The following SYNPO2 variants were observed in gnomAD, a reference collection of about 807,000 sequenced individuals.
SYNPO2 encodes synaptopodin-2.
SYNPO2 carries 56 observed loss-of-function variants against 85.0 expected under a neutral mutation model. That is an observed-to-expected ratio of 0.66 (90% CI 0.53 to 0.82). SYNPO2 has a LOEUF of 0.82. Ranked by LOEUF, SYNPO2 falls within the 40% of genes least tolerant of loss-of-function variation. The probability of loss-of-function intolerance (pLI) is 0.00; values close to 1 mark genes in which losing one functional copy is unlikely to be tolerated. For missense variants in SYNPO2, 1,575 were observed against 1,534.2 expected (o/e 1.03, Z -0.44); for synonymous variants, 602 against 591.1 (o/e 1.02, Z -0.27).
intron 1 of SYNPO2, among the ~76,000 whole-genome samples, chr4:119,014,613 A>G (rs1379359581): frequency 1.3e-5 from 2 of 152,202 alleles, no homozygotes; most frequent in African/African-American, 4.8e-5. Context: ...CAATAGACCA[A>G]ACTCAAAACA....
rs575707627 is a variant in SYNPO2 at position 119,012,005 on chromosome 4, C to T, written c.106-11425C>T. ...TGGAGCCATCTTGGCTCACTGCAACCTCCACATCCCGGATTCAAGTAATTC... is the reference window on the plus strand; with the variant it reads ...TGGAGCCATCTTGGCTCACTGCAACTTCCACATCCCGGATTCAAGTAATTC... On this transcript the variant is annotated intron_variant, in intron 1 of 4. Transcript: ENST00000307142. Among the ~76,000 whole-genome samples the T allele has an allele frequency of 2.7e-3, 411 of 150,684 alleles. 1 individual carries two copies. The highest frequency in any genetic ancestry group is 9.7e-3 in the African/African-American group (396 of 40,716).
intron 1 of SYNPO2, among the ~76,000 whole-genome samples, chr4:118,858,046 A>G (rs1241119294): frequency 6.6e-6 from 1 of 152,142 alleles, no homozygotes; most frequent in Non-Finnish European, 1.5e-5. Flanking sequence ...TCTTGATTCT[A>G]CGTTGGTTCT....
intron 1 of SYNPO2, among the ~76,000 whole-genome samples, chr4:118,894,848 A>G (rs552263967): frequency 1.1e-4 from 16 of 152,150 alleles, no homozygotes; most frequent in African/African-American, 1.4e-4. Flanking sequence ...AAAAAAAAAA[A>G]AAGAAGAAAA....
At chr4:119,043,241 C>A (rs946725619) in intron 4 of SYNPO2, 2 of 152,064 alleles carry the variant, frequency 1.3e-5, no homozygotes, top group Non-Finnish European at 2.9e-5. Flanking sequence ...ACTAAAGGAT[C>A]TCTCTTTTCC....
chr4:118,866,006 A>T lies in SYNPO2; in HGVS notation c.12+15066A>T, dbSNP rs570671625. Among the ~76,000 whole-genome samples, 8 of 152,342 alleles carry T rather than the reference A, an allele frequency of 5.3e-5. No individual in the cohort carries two copies. In the East Asian group the frequency reaches 1.5e-3, roughly 29 times the overall value. On this transcript the variant is annotated intron_variant, in intron 1 of 4. Coordinates refer to the SYNPO2 transcript ENST00000610556. ...CACAACACTTCATGTGTAGAATTTAATAGGGACAGAAACATTTCACACCAG... is the reference window on the plus strand; with the variant it reads ...CACAACACTTCATGTGTAGAATTTATTAGGGACAGAAACATTTCACACCAG...
intron 1 of SYNPO2, among the ~76,000 whole-genome samples, chr4:118,905,874 T>C (rs934103695): frequency 6.6e-6 from 1 of 152,170 alleles, no homozygotes; most frequent in African/African-American, 2.4e-5. Flanking sequence ...ATTTGATACT[T>C]AGATATTATT....
intron 1 of SYNPO2, among the ~76,000 whole-genome samples, chr4:119,017,319 C>T (rs996831036): frequency 6.6e-6 from 1 of 152,160 alleles, no homozygotes; most frequent in Admixed American, 6.5e-5. Flanking sequence ...AAGATCTTAG[C>T]TACTATCATC....
chr4:119,029,093 T>A (rs1738100584), intron 3 of SYNPO2, among the ~76,000 whole-genome samples: 1 of 152,096 alleles, frequency 6.6e-6, no homozygotes, highest in African/African-American at 2.4e-5. Flanking sequence ...AGGAAAGTAA[T>A]ATTGTATTTC....
chr4:118,927,697 GAGATAGATAGAT>G lies in SYNPO2; in HGVS notation c.105+38597_105+38608del, dbSNP rs70944821. ...TACCTAGTAATTGTTATTAAACAAT[GAGATAGATAGAT>G]AGATAGATAGATAGATAGATAGATA... is the stretch of plus-strand genomic sequence containing the variant. On this transcript the variant is annotated intron_variant, in intron 1 of 4. Coordinates refer to ENST00000307142, the MANE Select transcript of SYNPO2 (RefSeq NM_133477.3). Among the ~76,000 whole-genome samples, 523 of 124,934 alleles carry G rather than the reference GAGATAGATAGAT, an allele frequency of 4.2e-3. 4 individuals are homozygous for G. Among genetic ancestry groups the G allele is most frequent in the African/African-American group, 8.0e-3 (265 of 33,058 alleles). 82.0% of individuals were successfully genotyped at this position (124,934 alleles called of 152,430 possible). A position where few individuals can be genotyped will look rare whatever the true frequency, so the allele number is the denominator to read the frequency against.
chr4:119,023,620 G>A, intron 2 of SYNPO2, 39 bp downstream of exon 2: 1 of 1,589,786 alleles, frequency 6.3e-7, no homozygotes, highest in Non-Finnish European at 8.6e-7. Context: ...TTCTCTTGAA[G>A]CTACATGGGA....
At chr4:119,045,505 A>C (rs918455284) in intron 4 of SYNPO2, among the ~76,000 whole-genome samples, 8 of 152,206 alleles carry the variant, frequency 5.3e-5, no homozygotes, top group Non-Finnish European at 1.2e-4. Flanking sequence ...TTTATTTTAA[A>C]CAAGATCAAC....
chr4:118,968,906 G>A (rs1735416666), intron 1 of SYNPO2, among the ~76,000 whole-genome samples: 1 of 152,192 alleles, frequency 6.6e-6, no homozygotes. Flanking sequence ...TAAAACGTCA[G>A]AGATTATAAA....
chr4:118,937,904 C>T (rs894487159), intron 1 of SYNPO2, among the ~76,000 whole-genome samples: 4 of 152,166 alleles, frequency 2.6e-5, no homozygotes, highest in African/African-American at 9.7e-5. Flanking sequence ...TTTCATATAA[C>T]CTATATGTAT....
chr4:118,997,236 T>C (rs1421563238), intron 1 of SYNPO2, among the ~76,000 whole-genome samples: 1 of 56,492 alleles, frequency 1.8e-5, no homozygotes, highest in Non-Finnish European at 3.6e-5. Context: ...CGAGACTCCG[T>C]CTCAAAAAAA....
At chr4:118,868,702 T>C (rs937385905) in intron 1 of SYNPO2, among the ~76,000 whole-genome samples, 2 of 152,176 alleles carry the variant, frequency 1.3e-5, no homozygotes, top group African/African-American at 4.8e-5. Flanking sequence ...GTACTTCGAA[T>C]GACAGGCAAA....
At chr4:118,994,523 G>A (rs1736518919) in intron 1 of SYNPO2, among the ~76,000 whole-genome samples, 1 of 151,328 alleles carries the variant, frequency 6.6e-6, no homozygotes, top group African/African-American at 2.4e-5. Flanking sequence ...GCATCAATAT[G>A]AGCACTGTTA....
intron 1 of SYNPO2, among the ~76,000 whole-genome samples, chr4:119,016,503 A>G (rs2149181813): frequency 1.3e-5 from 2 of 152,260 alleles, no homozygotes; most frequent in Middle Eastern, 3.4e-3. Flanking sequence ...TATTAAAAAG[A>G]GTATTTACAT....
upstream of SYNPO2, chr4:118,888,759 C>A (rs899200654): frequency 4.3e-6 from 2 of 461,704 alleles, no homozygotes; most frequent in South Asian, 2.8e-5. Context: ...TTCCTTTCCT[C>A]GAAGGTGGGC....
exon 1 of SYNPO2, chr4:118,850,763 G>A (rs1731408643): frequency 1.3e-5 from 5 of 398,500 alleles, no homozygotes; most frequent in Admixed American, 4.4e-5. Context: ...ATCTGAATTC[G>A]GCAACTCGGA....
Sources: allele counts gnomAD v4.1 joint callset (sites outside exome capture counted in the v4.1 genomes callset), GRCh38; gene constraint gnomAD v4.1.1; transcripts MANE v1.5; gene names NCBI Gene and HGNC (gene_info 2026-07-23, HGNC 2026-07-21).